The following SEZ6L variants were observed in gnomAD, a reference collection of about 807,000 sequenced individuals.
SEZ6L encodes seizure related 6 homolog like.
Under a neutral mutation model 106.2 loss-of-function variants are expected in SEZ6L, and 37 were observed. That is an observed-to-expected ratio of 0.35 (90% CI 0.27 to 0.46). The LOEUF is 0.46. SEZ6L is among the 20% of genes least tolerant of loss of function. The pLI is 1.00. For synonymous variants in SEZ6L, 541 were observed against 570.4 expected, an observed-to-expected ratio of 0.95 and a Z score of 0.73; for missense variants, 1,172 against 1,332.8, an observed-to-expected ratio of 0.88 and a Z score of 1.88.
At chr22:26,332,029 C>A (rs887935504) in intron 9 of SEZ6L, among the ~76,000 whole-genome samples, 2 of 151,430 alleles carry the variant, frequency 1.3e-5, no homozygotes, top group African/African-American at 4.9e-5. Context: ...GTCTGTAATA[C>A]AAAAATCACA....
At position 26,310,806 on chromosome 22, in the gene SEZ6L, G is replaced by A. The variant is rs2081800167; in HGVS notation, c.1651G>A (p.Ala551Thr). The change falls in exon 7 of 17, where the codon GCG (alanine) becomes ACG (threonine). Residue 551 changes from alanine to threonine, a missense_variant. By Grantham distance (58) the Ala-to-Thr change is moderately conservative. This residue lies in a region of SEZ6L where 534 missense variants were observed against 691.0 expected (regional missense o/e 0.77). Transcript: ENST00000248933. ...RIEFTSDQAR[A>T]ASTFNIRFEA... ...CGAGTTCACGTCCGACCAGGCCCGG[G>A]CGGCCTCCACCTTCAACATCCGATT... is the stretch of plus-strand genomic sequence containing the variant. 6.2e-7 allele frequency: 1 copy of A among 1,613,994 alleles called. No individual in the cohort carries two copies. Among genetic ancestry groups the A allele is most frequent in the African/African-American group, 1.3e-5 (1 of 74,902 alleles).
At chr22:26,231,860 T>A (rs1164709964) in intron 1 of SEZ6L, among the ~76,000 whole-genome samples, 1 of 152,202 alleles carries the variant, frequency 6.6e-6, no homozygotes, top group Non-Finnish European at 1.5e-5. Flanking sequence ...CCCTTAGCTG[T>A]CACCTGAGTG....
rs1212460765 is a variant in SEZ6L, at chr22:26,382,079, T to C, written c.*1784T>C. On this transcript the variant is annotated 3_prime_UTR_variant, in exon 17 of 17. Coordinates refer to ENST00000248933, the MANE Select transcript of SEZ6L (RefSeq NM_021115.5). ...GTCTAAGACCAGAATATTTTCCTTC[T>C]GCCAGAAAAGAATCTTGCACATATA... 1.9e-6 allele frequency: 1 copy of C among 518,410 alleles called. No individual in the cohort carries two copies. The highest frequency in any genetic ancestry group is 3.9e-6 in the Non-Finnish European group (1 of 259,626). The allele number at this position is 518,410 out of a possible 1,614,324, so 32.1% of individuals were successfully genotyped here. A position where few individuals can be genotyped will look rare whatever the true frequency, so the allele number is the denominator to read the frequency against.
chr22:26,202,569 G>A (rs977817764), intron 1 of SEZ6L, among the ~76,000 whole-genome samples: 2 of 152,224 alleles, frequency 1.3e-5, no homozygotes, highest in African/African-American at 4.8e-5. Context: ...AGAATCCTAA[G>A]CTAGAGCGAC....
intron 1 of SEZ6L, among the ~76,000 whole-genome samples, chr22:26,221,727 C>T (rs909550793): frequency 8.5e-5 from 12 of 140,584 alleles, no homozygotes; most frequent in South Asian, 2.2e-4. Flanking sequence ...AATTCATGCG[C>T]GTGCACACGC....
At chr22:26,292,145 A>AAAGGAAGGAAGG in intron 1 of SEZ6L, 1 of 386,234 alleles carries the variant, frequency 2.6e-6, no homozygotes, top group Non-Finnish European at 4.6e-6. Flanking sequence ...AGAAAGAAAG[A>AAAGGAAGGAAGG]AAGGAAGGAA....
chr22:26,246,349 T>C (rs180864452), intron 1 of SEZ6L, among the ~76,000 whole-genome samples: 2 of 152,202 alleles, frequency 1.3e-5, no homozygotes, highest in African/African-American at 4.8e-5. Context: ...CCAACCTGAG[T>C]ATTTGGCATG....
Position 26,310,781 on chromosome 22 carries a change from C to A in SEZ6L, c.1626C>A (p.Ile542=). Residue 542 remains isoleucine, a synonymous_variant, in exon 7 of 17, where the codon ATC becomes ATA. Coordinates refer to ENST00000248933, the MANE Select transcript of SEZ6L (RefSeq NM_021115.5). Reference sequence around the variant, plus strand: ...TGAGCGAAGGCAACACCATCCGCATCGAGTTCACGTCCGACCAGGCCCGGG... The same window carrying A: ...TGAGCGAAGGCAACACCATCCGCATAGAGTTCACGTCCGACCAGGCCCGGG... ...GLLSEGNTIR[I]EFTSDQARAA... is the part of the protein sequence containing the mutation. 1.9e-6 allele frequency: 3 copies of A among 1,614,150 alleles called. No individual in the cohort carries two copies. Among genetic ancestry groups the A allele is most frequent in the Non-Finnish European group, 2.5e-6 (3 of 1,180,030 alleles).
intron 12 of SEZ6L, among the ~76,000 whole-genome samples, chr22:26,361,343 C>CAAAAAAAAAAAAAAAAAAA: frequency 7.5e-6 from 1 of 133,394 alleles, no homozygotes; most frequent in African/African-American, 2.7e-5. Flanking sequence ...ACTAAAAATA[C>CAAAAAAAAAAAAAAAAAAA]AAAAACAAAA....
Position 26,313,822 on chromosome 22 carries a change from C to T in SEZ6L, c.1935C>T (p.Pro645=), listed in dbSNP as rs375506025. The T allele has an allele frequency of 1.1e-5, 17 of 1,613,262 alleles. No individual in the cohort carries two copies. The African/African-American group carries it at 1.1e-4, about 10-fold the overall frequency. Residue 645 remains proline (P), a synonymous_variant, in exon 9 of 17, where the codon CCC becomes CCT. Transcript: ENST00000248933. The part of the protein sequence containing the change: ...VAGVVLSPNW[P]EPYVEGEDCI... Reference sequence around the variant, plus strand: ...GGGTGGTATTGTCCCCAAACTGGCCCGAGCCCTACGTGGAAGGTGAAGATT... The same window carrying T: ...GGGTGGTATTGTCCCCAAACTGGCCTGAGCCCTACGTGGAAGGTGAAGATT...
At chr22:26,343,949 A>G (rs1483134995) in intron 10 of SEZ6L, among the ~76,000 whole-genome samples, 2 of 152,236 alleles carry the variant, frequency 1.3e-5, no homozygotes, top group African/African-American at 4.8e-5. Flanking sequence ...AGTCTATGGC[A>G]AAGAATGCCA....
At chr22:26,371,301 A>G (rs654245) in intron 13 of SEZ6L, among the ~76,000 whole-genome samples, 18,458 of 152,220 alleles carry the variant, frequency 0.12, 1,410 homozygotes, top group Non-Finnish European at 0.17. Context: ...GCAAAGATCT[A>G]TGGATATCGA....
intron 1 of SEZ6L, among the ~76,000 whole-genome samples, chr22:26,247,605 A>T (rs927725161): frequency 6.6e-6 from 1 of 152,172 alleles, no homozygotes; most frequent in Non-Finnish European, 1.5e-5. Context: ...GAAAGACACA[A>T]GGAAGGATTC....
At chr22:26,180,877 T>C (rs994321000) in intron 1 of SEZ6L, among the ~76,000 whole-genome samples, 1 of 152,206 alleles carries the variant, frequency 6.6e-6, no homozygotes, top group Non-Finnish European at 1.5e-5. Context: ...GTTTTAATAT[T>C]ATGGAAACAG....
At chr22:26,307,000 A>G (rs753176886) in intron 6 of SEZ6L, among the ~76,000 whole-genome samples, 23 of 152,190 alleles carry the variant, frequency 1.5e-4, no homozygotes, top group Non-Finnish European at 2.8e-4. Context: ...CCTAGTAAGC[A>G]CTAGGAGGCA....
chr22:26,311,738 T>C (rs377372203), intron 7 of SEZ6L, 30 bp from the exon 8 acceptor site: 3 of 1,600,358 alleles, frequency 1.9e-6, no homozygotes, highest in Non-Finnish European at 1.7e-6. Context: ...CTGCATCATC[T>C]GAACTGCTGC....
intron 1 of SEZ6L, among the ~76,000 whole-genome samples, chr22:26,284,458 A>C (rs1392125880): frequency 1.3e-5 from 2 of 152,078 alleles, no homozygotes; most frequent in Non-Finnish European, 2.9e-5. Flanking sequence ...AATATAAAAA[A>C]TATTAGCCGG....
intron 1 of SEZ6L, among the ~76,000 whole-genome samples, chr22:26,290,254 G>A (rs375485043): frequency 1.6e-4 from 24 of 152,314 alleles, no homozygotes; most frequent in Middle Eastern, 3.4e-3. Context: ...CTATTGGGCC[G>A]GGCGCGGTGG....
chr22:26,322,349 G>A (rs2082178257), intron 9 of SEZ6L, among the ~76,000 whole-genome samples: 1 of 152,144 alleles, frequency 6.6e-6, no homozygotes, highest in Non-Finnish European at 1.5e-5. Context: ...CAGCTTTCGG[G>A]GCACCAGCTG....
Sources: gnomAD v4.1 joint callset for allele counts (sites outside exome capture counted in the v4.1 genomes callset) on GRCh38, gnomAD v4.1.1 for gene constraint, gnomAD v4.1.1 regional missense constraint, MANE v1.5 for transcripts, NCBI Gene and HGNC (gene_info 2026-07-23, HGNC 2026-07-21) for gene names.